KDM4A: variants seen among roughly 807,000 people sequenced by gnomAD.
KDM4A encodes the protein lysine-specific demethylase 4A.
A neutral mutation model predicts 127.1 loss-of-function variants in KDM4A; 23 were observed. The observed-to-expected ratio is 0.18, with a 90% CI of 0.13 to 0.26. KDM4A has a LOEUF of 0.26. KDM4A is among the 10% of genes least tolerant of loss of function. The pLI is 1.00. For missense variants in KDM4A, 890 were observed against 1,329.1 expected (o/e 0.67, Z 5.14); for synonymous variants, 443 against 466.5 (o/e 0.95, Z 0.65).
intron 19 of KDM4A, among the ~76,000 whole-genome samples, chr1:43,698,466 G>GA (rs932758209): frequency 3.2e-4 from 49 of 152,296 alleles, no homozygotes; most frequent in African/African-American, 1.1e-3. Flanking sequence ...GGGCTAAGTA[G>GA]AAACTGCCTG....
intron 11 of KDM4A, among the ~76,000 whole-genome samples, chr1:43,673,882 G>A (rs1300809435): frequency 3.3e-5 from 5 of 152,170 alleles, no homozygotes; most frequent in Non-Finnish European, 5.9e-5. Context: ...CTTGTTTCTA[G>A]TTGCAATCAC....
intron 12 of KDM4A, among the ~76,000 whole-genome samples, chr1:43,685,781 A>G (rs1360049883): frequency 2.6e-5 from 4 of 151,014 alleles, no homozygotes; most frequent in Non-Finnish European, 5.9e-5. Context: ...CAACAACAAC[A>G]AAAAAGATCA....
intron 11 of KDM4A, among the ~76,000 whole-genome samples, chr1:43,677,344 CAAAAAAA>C (rs35771419): frequency 6.1e-5 from 4 of 65,804 alleles, no homozygotes; most frequent in Non-Finnish European, 1.4e-4. Context: ...GACTCCATCT[CAAAAAAA>C]AAAAAAAAAA....
In KDM4A at chr1:43,699,091, A is replaced by ATT. The variant is rs61194980; in HGVS notation, c.2841+1096_2841+1097dup. ...GGCGTGAGCCACTGTGCCTGGCCTT[A>ATT]TTTTTTTTTTTTTTTTTTTGAGAGA... On this transcript the variant is annotated intron_variant, in intron 19 of 21. Transcript: ENST00000372396. Among the ~76,000 whole-genome samples the ATT allele has an allele frequency of 3.5e-4, 44 of 126,408 alleles. 1 individual carries two copies. Among genetic ancestry groups the ATT allele is most frequent in the African/African-American group, 7.0e-4 (25 of 35,896 alleles). The allele number at this position is 126,408 out of a possible 152,430, so 82.9% of individuals were successfully genotyped here.
At position 43,694,997 on chromosome 1, in the gene KDM4A, TG is replaced by T. The variant is rs1447686556; in HGVS notation, c.2670+104del. ...TCAGCAACTATTTCCTCAAGCATTC[TG>T]CATTATGAAGAGTGCTAATGAGTTA... On this transcript the variant is annotated intron_variant, in intron 18 of 21. Transcript: ENST00000372396. The surrounding 1 kb of genome is among the most constrained non-coding windows in gnomAD (Gnocchi z 5.2). 3 of 1,166,288 alleles carry T rather than the reference TG, an allele frequency of 2.6e-6. No individual in the cohort carries two copies. The highest frequency in any genetic ancestry group is 3.6e-6 in the Non-Finnish European group (3 of 835,152). 72.2% of individuals were successfully genotyped at this position (1,166,288 alleles called of 1,614,324 possible).
In KDM4A at chr1:43,691,031, A is replaced by G. The variant is rs148060723; in HGVS notation, c.2224A>G (p.Ser742Gly). Residue 742 changes from serine to glycine, a missense_variant, in exon 14 of 22, where the codon AGC (serine) becomes GGC (glycine). Ser to Gly is a moderately conservative substitution (Grantham distance 56). Around this residue, in one of 7 missense-constraint regions of KDM4A, gnomAD observed 246 missense variants for 418.4 expected, o/e 0.59. Coordinates refer to ENST00000372396, the MANE Select transcript of KDM4A (RefSeq NM_014663.3). ...TSILVSCKKC[S>G]VRVHASCYGV... ...CATACTCGTTTCCTGCAAGAAGTGCAGCGTCCGGGTCCATGCCAGTGAGTG... is the reference window on the plus strand; with the variant it reads ...CATACTCGTTTCCTGCAAGAAGTGCGGCGTCCGGGTCCATGCCAGTGAGTG... The G allele has an allele frequency of 2.5e-4, 400 of 1,614,156 alleles. No homozygotes were observed. The African/African-American group carries it at 4.3e-3, about 17-fold the overall frequency.
At position 43,682,132 on chromosome 1, in the gene KDM4A, A is replaced by AT. The variant is rs201184727; in HGVS notation, c.1735-1545dup. Among the ~76,000 whole-genome samples the AT allele has an allele frequency of 8.6e-3, 1,306 of 152,180 alleles. 14 individuals are homozygous for AT. The highest frequency in any genetic ancestry group is 0.03 in the African/African-American group (1,242 of 41,520). ...TACAGGTGCATGCCACCACACCTGA[A>AT]TTTTTTTGTGTGTGGAGACGGGGTG... On this transcript the variant is annotated intron_variant, in intron 11 of 21. Transcript: ENST00000372396.
In KDM4A at chr1:43,693,855, C is replaced by G. The variant is rs1233751153; in HGVS notation, c.2376-139C>G. 6.1e-6 allele frequency: 4 copies of G among 659,524 alleles called. No individual in the cohort carries two copies. Among genetic ancestry groups the G allele is most frequent in the East Asian group, 2.7e-5 (1 of 37,364 alleles). The allele number at this position is 659,524 out of a possible 1,614,324, so 40.9% of individuals were successfully genotyped here. ...GAGGAGAGACGGTTCTGGTTCTCACCTTCCTGGGTCCCAGGCATGTGCTGG... is the reference window on the plus strand; with the variant it reads ...GAGGAGAGACGGTTCTGGTTCTCACGTTCCTGGGTCCCAGGCATGTGCTGG... On this transcript the variant is annotated intron_variant, in intron 16 of 21. Transcript: ENST00000372396. This position sits in a 1 kb window ranked among gnomAD's most constrained non-coding sequence, Gnocchi z 4.2.
At chr1:43,670,101 C>G (rs1660584449) in intron 10 of KDM4A, among the ~76,000 whole-genome samples, 1 of 152,148 alleles carries the variant, frequency 6.6e-6, no homozygotes, top group Non-Finnish European at 1.5e-5. Context: ...CTGCCATTTT[C>G]ATTTGCTCAC....
At chr1:43,683,598 C>T (rs185294529) in intron 11 of KDM4A, 86 bp from the exon 12 acceptor site, 110 of 1,480,514 alleles carry the variant, frequency 7.4e-5, no homozygotes, top group Non-Finnish European at 9.7e-5. Context: ...GTGCCCCTCT[C>T]TTTCCTTTGG....
In KDM4A at chr1:43,669,178, C is replaced by A; in HGVS notation, c.1242C>A (p.Leu414=). 1 of 1,614,232 alleles carries A rather than the reference C, an allele frequency of 6.2e-7. No homozygotes were observed. Among genetic ancestry groups the A allele is most frequent in the Non-Finnish European group, 8.5e-7 (1 of 1,180,038 alleles). ...CACAGGAGGTGAGTCAGAGTGAGCT[C>A]TTCCCCAAGGAGGATCTGAGTTCTG... ...EIPQEVSQSE[L]FPKEDLSSEQ... The change falls in exon 10 of 22, where the codon CTC becomes CTA. Residue 414 remains leucine, a synonymous_variant. Transcript: ENST00000372396.
chr1:43,669,853 G>A (rs966624367), intron 10 of KDM4A, among the ~76,000 whole-genome samples: 9 of 151,868 alleles, frequency 5.9e-5, no homozygotes, highest in Admixed American at 3.3e-4. Flanking sequence ...GGGTTTCACC[G>A]TGTTGGCCAG....
At chr1:43,664,893 A>G (rs10789441) in intron 5 of KDM4A, among the ~76,000 whole-genome samples, 21,883 of 152,160 alleles carry the variant, frequency 0.14, 2,379 homozygotes, top group African/African-American at 0.31. Context: ...GATGGATCCC[A>G]GAGTCCTTTA....
chr1:43,695,614 T>TA (rs1334582274), intron 18 of KDM4A, among the ~76,000 whole-genome samples: 4 of 152,208 alleles, frequency 2.6e-5, no homozygotes, highest in African/African-American at 9.7e-5. Context: ...GATGAGAACT[T>TA]GTTGAATATT....
At position 43,667,799 on chromosome 1, in the gene KDM4A, A is replaced by G; in HGVS notation, c.943A>G (p.Ile315Val). 1 of 1,614,146 alleles carries G rather than the reference A, an allele frequency of 6.2e-7. No individual in the cohort carries two copies. The highest frequency in any genetic ancestry group is 8.5e-7 in the Non-Finnish European group (1 of 1,180,008). ...CTCCTGTAGAAAGGACATGGTGAAG[A>G]TCTCCATGGATGTGTTTGTGAGAAA... ...LCSCRKDMVK[I>V]SMDVFVRKFQ... Residue 315 changes from isoleucine to valine, a missense_variant, in exon 9 of 22, where the codon ATC becomes GTC. By Grantham distance (29) the Ile-to-Val change is conservative. Around this residue, in one of 7 missense-constraint regions of KDM4A, gnomAD observed 141 missense variants for 273.5 expected, o/e 0.52. Coordinates refer to ENST00000372396, the MANE Select transcript of KDM4A (RefSeq NM_014663.3).
At chr1:43,668,545 G>A (rs1481324374) in intron 9 of KDM4A, among the ~76,000 whole-genome samples, 1 of 152,204 alleles carries the variant, frequency 6.6e-6, no homozygotes, top group African/African-American at 2.4e-5. Flanking sequence ...TAGTGGGCGT[G>A]TAGTCTGCTG....
At chr1:43,687,068 A>G (rs1397234822) in intron 12 of KDM4A, among the ~76,000 whole-genome samples, 2 of 152,030 alleles carry the variant, frequency 1.3e-5, no homozygotes, top group Non-Finnish European at 2.9e-5. Flanking sequence ...CTTCCATTCT[A>G]TCTTGGTCAC....
intron 1 of KDM4A, 128 bp downstream of exon 1, chr1:43,650,380 A>T (rs1347031772): frequency 6.6e-6 from 1 of 152,472 alleles, no homozygotes; most frequent in Non-Finnish European, 1.5e-5. Context: ...TTTCTCGGCC[A>T]ATAGGAGAAG....
At chr1:43,672,226 G>T (rs1039359688) in intron 11 of KDM4A, among the ~76,000 whole-genome samples, 2 of 151,304 alleles carry the variant, frequency 1.3e-5, no homozygotes, top group African/African-American at 4.9e-5. Context: ...TCTCTGCTCT[G>T]TTGCCTAGCT....
Sources: gnomAD v4.1 joint callset for allele counts (sites outside exome capture counted in the v4.1 genomes callset) on GRCh38, gnomAD v4.1.1 for gene constraint, gnomAD v4.1.1 regional missense constraint, Gnocchi (gnomAD v3.1) non-coding constraint, MANE v1.5 for transcripts, NCBI Gene and HGNC (gene_info 2026-07-23, HGNC 2026-07-21) for gene names.